IMPACT: variants seen among roughly 807,000 people sequenced by gnomAD.
IMPACT encodes the protein impact RWD domain protein, also known as protein IMPACT.
In IMPACT, 35 loss-of-function variants were observed where a neutral mutation model predicts 47.5. That is an observed-to-expected ratio of 0.74 (90% CI 0.56 to 0.98). The LOEUF (loss-of-function observed/expected upper bound fraction) is 0.98, where lower values mean the gene tolerates loss of function less well. IMPACT is among the 50% of genes least tolerant of loss of function. IMPACT has a pLI of 0.00. For missense variants in IMPACT, 373 were observed against 394.8 expected (o/e 0.94, Z 0.47); for synonymous variants, 118 against 125.6 (o/e 0.94, Z 0.40).
At chr18:24,431,242 T>C (rs955304199) in intron 4 of IMPACT, among the ~76,000 whole-genome samples, 1 of 152,128 alleles carries the variant, frequency 6.6e-6, no homozygotes, top group African/African-American at 2.4e-5. Context: ...TTGTTTGACT[T>C]AAAAGTGGAG....
chr18:24,426,935 C>G (rs1172562304), intron 1 of IMPACT, 143 bp downstream of exon 1: 2 of 563,562 alleles, frequency 3.5e-6, no homozygotes, highest in Non-Finnish European at 5.3e-6. Flanking sequence ...CCACCGCGTT[C>G]CATTTTCCCG....
At chr18:24,446,127 G>T (rs1909242978) in intron 8 of IMPACT, among the ~76,000 whole-genome samples, 1 of 152,006 alleles carries the variant, frequency 6.6e-6, no homozygotes, top group Admixed American at 6.6e-5. Flanking sequence ...AAACCCTGTT[G>T]CCCAGGCTGG....
At position 24,450,993 on chromosome 18, in the gene IMPACT, GT is replaced by G. The variant is rs1355771600; in HGVS notation, c.*148del. Reference sequence around the variant, plus strand: ...ATACCAACATTAGCTTTTCTTCTTGGTTATATCATCTGCCAAAAATAGAGAA... The same window carrying G: ...ATACCAACATTAGCTTTTCTTCTTGGTATATCATCTGCCAAAAATAGAGAA... On this transcript the variant is annotated 3_prime_UTR_variant, in exon 11 of 11. Coordinates refer to ENST00000284202, the MANE Select transcript of IMPACT (RefSeq NM_018439.4). 4 of 512,716 alleles carry G rather than the reference GT, an allele frequency of 7.8e-6. No individual in the cohort carries two copies. Among genetic ancestry groups the G allele is most frequent in the African/African-American group, 2.0e-5 (1 of 51,106 alleles). The allele number at this position is 512,716 out of a possible 1,614,324, so 31.8% of individuals were successfully genotyped here. A position where few individuals can be genotyped will look rare whatever the true frequency, so the allele number is the denominator to read the frequency against.
rs1183501911 is a variant in IMPACT at position 24,451,940 on chromosome 18, C to A, written c.*1093C>A. ...TTATGTATCTTTCATCTTCCAGTTA[C>A]CTCTAGGCATTTAGATAGTGAAATT... On this transcript the variant is annotated 3_prime_UTR_variant, in exon 11 of 11. Coordinates refer to ENST00000284202, the MANE Select transcript of IMPACT (RefSeq NM_018439.4). The A allele has an allele frequency of 6.6e-6, 1 of 151,244 alleles. No individual in the cohort carries two copies. Among genetic ancestry groups the A allele is most frequent in the Non-Finnish European group, 1.5e-5 (1 of 67,900 alleles). The allele number at this position is 151,244 out of a possible 1,614,324, so 9.4% of individuals were successfully genotyped here.
chr18:24,438,145 T>A, intron 5 of IMPACT, 105 bp downstream of exon 5: 1 of 597,110 alleles, frequency 1.7e-6, no homozygotes, highest in Non-Finnish European at 2.9e-6. Context: ...TTCTGGTTTA[T>A]GGTTTGTATA....
chr18:24,428,262 A>T (rs1003337760), intron 2 of IMPACT, among the ~76,000 whole-genome samples: 1 of 152,250 alleles, frequency 6.6e-6, no homozygotes, highest in South Asian at 2.1e-4. Context: ...TTAATCATTT[A>T]AAAGTGTTAA....
chr18:24,447,106 A>G (rs776695889), intron 8 of IMPACT, among the ~76,000 whole-genome samples: 18 of 152,224 alleles, frequency 1.2e-4, no homozygotes, highest in Admixed American at 2.0e-4. Context: ...TAGTATTTTA[A>G]CTTTAATGTT....
rs137926129 is a variant in IMPACT at position 24,440,532 on chromosome 18, T to C, written c.404T>C (p.Val135Ala). ...DVKKKTEEED[V>A]ECEDDLILAC... ...AAGAAGAAAACTGAAGAGGAAGATG[T>C]TGAATGTGAAGATGATCTCATTTTA... Residue 135 changes from valine to alanine, a missense_variant, in exon 6 of 11, where the codon GTT (valine) becomes GCT (alanine). Coordinates refer to ENST00000284202, the MANE Select transcript of IMPACT (RefSeq NM_018439.4). 2.2e-4 allele frequency: 353 copies of C among 1,613,232 alleles called. No individual in the cohort carries two copies. In the African/African-American group the frequency reaches 4.1e-3, roughly 19 times the overall value.
In IMPACT at chr18:24,452,803, T is replaced by A. The variant is rs1323228767; in HGVS notation, c.*1956T>A. On this transcript the variant is annotated 3_prime_UTR_variant, in exon 11 of 11. Transcript: ENST00000284202. ...GGCATATTTTGCTTTATTTAAAAATTTTTTTTTAGAGATGAGTTCTTGCTC... is the reference window on the plus strand; with the variant it reads ...GGCATATTTTGCTTTATTTAAAAATATTTTTTTAGAGATGAGTTCTTGCTC... 6.6e-6 allele frequency: 1 copy of A among 152,064 alleles called. No individual in the cohort carries two copies. Among genetic ancestry groups the A allele is most frequent in the Non-Finnish European group, 1.5e-5 (1 of 68,010 alleles). The allele number at this position is 152,064 out of a possible 1,614,324, so 9.4% of individuals were successfully genotyped here.
At chr18:24,433,751 ACCTCCG>A (rs1908829419) in intron 4 of IMPACT, among the ~76,000 whole-genome samples, 1 of 143,124 alleles carries the variant, frequency 7.0e-6, no homozygotes, top group African/African-American at 2.6e-5. Context: ...GCTCACTGCA[ACCTCCG>A]CCTCCCAGGT....
At chr18:24,447,258 T>C (rs1909270876) in intron 8 of IMPACT, among the ~76,000 whole-genome samples, 1 of 151,570 alleles carries the variant, frequency 6.6e-6, no homozygotes. Flanking sequence ...TTTTAGTATT[T>C]ACATTAAAAG....
At chr18:24,433,169 A>T (rs1357058249) in intron 4 of IMPACT, among the ~76,000 whole-genome samples, 1 of 144,172 alleles carries the variant, frequency 6.9e-6, no homozygotes, top group Non-Finnish European at 1.5e-5. Flanking sequence ...AGAAATACAC[A>T]TCTTACTTTT....
At chr18:24,449,776 C>T in intron 9 of IMPACT, 43 bp from the exon 10 acceptor site, 1 of 1,535,844 alleles carries the variant, frequency 6.5e-7, no homozygotes, top group Non-Finnish European at 9.0e-7. Flanking sequence ...CATATTTATA[C>T]ATGTCTGTCT....
At chr18:24,433,009 T>G (rs1426402887) in intron 4 of IMPACT, among the ~76,000 whole-genome samples, 1 of 152,146 alleles carries the variant, frequency 6.6e-6, no homozygotes, top group Non-Finnish European at 1.5e-5. Flanking sequence ...CCTTTTCTCT[T>G]TAACTAGTTC....
chr18:24,434,169 C>T lies in IMPACT; in HGVS notation c.281+3785C>T, dbSNP rs184683364. Among the ~76,000 whole-genome samples, 335 of 151,812 alleles carry T rather than the reference C, an allele frequency of 2.2e-3. 2 individuals are homozygous for T. The highest frequency in any genetic ancestry group is 7.8e-3 in the African/African-American group (323 of 41,392). ...AGCCTGGGCAACATAGTGAGACCTTCCCCATCTCTATAGAAATTAAAAACA... is the reference window on the plus strand; with the variant it reads ...AGCCTGGGCAACATAGTGAGACCTTTCCCATCTCTATAGAAATTAAAAACA... On this transcript the variant is annotated intron_variant, in intron 4 of 10. Coordinates refer to ENST00000284202, the MANE Select transcript of IMPACT (RefSeq NM_018439.4).
rs956890897 is a variant in IMPACT at position 24,452,793 on chromosome 18, A to G, written c.*1946A>G. On this transcript the variant is annotated 3_prime_UTR_variant, in exon 11 of 11. Coordinates refer to ENST00000284202, the MANE Select transcript of IMPACT (RefSeq NM_018439.4). ...TCTATGCTGTGGCATATTTTGCTTT[A>G]TTTAAAAATTTTTTTTTAGAGATGA... 1.3e-5 allele frequency: 2 copies of G among 152,060 alleles called. No homozygotes were observed. The highest frequency in any genetic ancestry group is 2.9e-5 in the Non-Finnish European group (2 of 68,002). 9.4% of individuals were successfully genotyped at this position (152,060 alleles called of 1,614,324 possible). A position where few individuals can be genotyped will look rare whatever the true frequency, so the allele number is the denominator to read the frequency against.
At position 24,449,855 on chromosome 18, in the gene IMPACT, C is replaced by G. The variant is rs147492242; in HGVS notation, c.796C>G (p.Arg266Gly). The G allele has an allele frequency of 8.1e-5, 130 of 1,612,748 alleles. 1 individual carries two copies. The Middle Eastern group carries it at 1.4e-3, about 17-fold the overall frequency. Residue 266 changes from arginine to glycine, a missense_variant, in exon 10 of 11, where the codon CGC becomes GGC. Arg to Gly is a moderately radical substitution (Grantham distance 125). Coordinates refer to ENST00000284202, the MANE Select transcript of IMPACT (RefSeq NM_018439.4). Reference protein sequence around the residue: ...NVKNVMVVVSRWYGGILLGPD... With the variant: ...NVKNVMVVVSGWYGGILLGPD... ...GAAGAATGTCATGGTGGTAGTATCA[C>G]GCTGGTATGGAGGGATTCTGCTAGG... is the stretch of plus-strand genomic sequence containing the variant.
rs1369572158 is a variant in IMPACT, at chr18:24,452,623, C to T, written c.*1776C>T. Reference sequence around the variant, plus strand: ...TAAGAGGGAGAGATGCAAAATTCTCCAGCTCTGAACTTGGAGCTACTTCAC... The same window carrying T: ...TAAGAGGGAGAGATGCAAAATTCTCTAGCTCTGAACTTGGAGCTACTTCAC... On this transcript the variant is annotated 3_prime_UTR_variant, in exon 11 of 11. Coordinates refer to ENST00000284202, the MANE Select transcript of IMPACT (RefSeq NM_018439.4). 1 of 152,042 alleles carries T rather than the reference C, an allele frequency of 6.6e-6. No individual in the cohort carries two copies. The highest frequency in any genetic ancestry group is 2.4e-5 in the African/African-American group (1 of 41,378). 9.4% of individuals were successfully genotyped at this position (152,042 alleles called of 1,614,324 possible).
rs541446114 is a variant in IMPACT, at chr18:24,428,312, T to C, written c.165+265T>C. Among the ~76,000 whole-genome samples the C allele has an allele frequency of 5.3e-5, 8 of 152,344 alleles. No homozygotes were observed. In the East Asian group the frequency reaches 1.4e-3, roughly 26 times the overall value. ...ACTGTAGTTTTGCTTCCCTTCATTA[T>C]TCTCTTCATCTGGTAGGAGAGGGTC... On this transcript the variant is annotated intron_variant, in intron 2 of 10. Coordinates refer to ENST00000284202, the MANE Select transcript of IMPACT (RefSeq NM_018439.4).
Sources: allele counts gnomAD v4.1 joint callset (sites outside exome capture counted in the v4.1 genomes callset), GRCh38; gene constraint gnomAD v4.1.1; transcripts MANE v1.5; gene names NCBI Gene and HGNC (gene_info 2026-07-23, HGNC 2026-07-21).